Variants in PLA2G7 observed in about 807,000 individuals in gnomAD.
PLA2G7 encodes the protein platelet-activating factor acetylhydrolase.
PLA2G7 carries 63 observed loss-of-function variants against 49.6 expected under a neutral mutation model. The observed-to-expected ratio is 1.27, with a 90% CI of 1.04 to 1.57. The LOEUF (loss-of-function observed/expected upper bound fraction) is 1.57. PLA2G7 is among the 40% of genes most tolerant of loss of function. The probability of loss-of-function intolerance (pLI) is 0.00; values close to 1 mark genes in which losing one functional copy is unlikely to be tolerated. For synonymous variants in PLA2G7, 193 were observed against 169.9 expected, an observed-to-expected ratio of 1.14 and a Z score of -1.06; for missense variants, 596 against 521.2, an observed-to-expected ratio of 1.14 and a Z score of -1.40.
At chr6:46,734,713 C>T (rs1428946945) in intron 1 of PLA2G7, among the ~76,000 whole-genome samples, 1 of 151,878 alleles carries the variant, frequency 6.6e-6, no homozygotes, top group Non-Finnish European at 1.5e-5. Flanking sequence ...GTCCCAGCTA[C>T]TCGGGAAGTT....
At chr6:46,711,650 A>G (rs139347311) in intron 6 of PLA2G7, 31 bp from the exon 7 acceptor site, 3 of 1,611,254 alleles carry the variant, frequency 1.9e-6, no homozygotes, top group South Asian at 2.2e-5. Flanking sequence ...TTATTTATGC[A>G]TGCTCCTTCC....
chr6:46,733,448 G>A (rs1316191242), intron 1 of PLA2G7, among the ~76,000 whole-genome samples: 1 of 106,008 alleles, frequency 9.4e-6, no homozygotes, highest in Non-Finnish European at 1.7e-5. Flanking sequence ...AGTCTTGCTG[G>A]CTGTACAGTA....
At chr6:46,719,048 G>A (rs952682663) in intron 2 of PLA2G7, among the ~76,000 whole-genome samples, 15 of 152,042 alleles carry the variant, frequency 9.9e-5, no homozygotes, top group East Asian at 1.9e-4. Context: ...AGCTTCATCC[G>A]TTCTCCTTTC....
rs1562077587 is a variant in PLA2G7 at position 46,722,829 on chromosome 6, A to G, written c.63T>C (p.Pro21=). ...CAGGATTTATGTATTGCCAGTCAAA[A>G]GGATAAACCACAGCCAGGCAGCCGC... The part of the protein sequence containing the change: ...CLCGCLAVVY[P]FDWQYINPVA... Residue 21 remains proline, a synonymous_variant, in exon 2 of 12, where the codon CCT becomes CCC. Coordinates refer to ENST00000274793, the MANE Select transcript of PLA2G7 (RefSeq NM_005084.4). 1.2e-6 allele frequency: 2 copies of G among 1,613,874 alleles called. No individual in the cohort carries two copies. The highest frequency in any genetic ancestry group is 1.1e-5 in the South Asian group (1 of 91,058).
Position 46,722,798 on chromosome 6 carries a change from G to T in PLA2G7, c.94C>A (p.His32Asn). ...CACCTCTTACCTGATGATTTCATAT[G>T]GGCAACAGGATTTATGTATTGCCAG... ...FDWQYINPVA[H>N]MKSSAWVNKI... is the part of the protein sequence containing the mutation. Residue 32 changes from histidine (H) to asparagine (N), a missense_variant, in exon 2 of 12, where the codon CAT becomes AAT. By Grantham distance (68) the His-to-Asn change is moderately conservative (BLOSUM62 1). Transcript: ENST00000274793. 6.2e-7 allele frequency: 1 copy of T among 1,600,780 alleles called. No individual in the cohort carries two copies. Among genetic ancestry groups the T allele is most frequent in the Non-Finnish European group, 8.6e-7 (1 of 1,167,868 alleles).
In PLA2G7 at chr6:46,724,564, G is replaced by A. The variant is rs45571334; in HGVS notation, c.-34-1639C>T. ...ATGTGCTTCCCTACATTTCTTAGCC[G>A]CCCCTGTGGTTGGGCTGGGCCCATG... On this transcript the variant is annotated intron_variant, in intron 1 of 11. Transcript: ENST00000274793. Among the ~76,000 whole-genome samples, 315 of 152,294 alleles carry A rather than the reference G, an allele frequency of 2.1e-3. 3 individuals carry two copies. Among genetic ancestry groups the A allele is most frequent in the African/African-American group, 7.2e-3 (301 of 41,566 alleles).
intron 1 of PLA2G7, among the ~76,000 whole-genome samples, chr6:46,723,769 C>T (rs1431371597): frequency 1.3e-5 from 2 of 152,128 alleles, no homozygotes; most frequent in African/African-American, 4.8e-5. Context: ...AAATCTATCC[C>T]CAACACAGCA....
At position 46,717,958 on chromosome 6, in the gene PLA2G7, C is replaced by T. The variant is rs376675383; in HGVS notation, c.110-862G>A. ...GTCTTGATCTCCTGACCTCGTGATC[C>T]GCCCACCTCAGCCTCCCAAAGTGCT... On this transcript the variant is annotated intron_variant, in intron 2 of 11. Coordinates refer to ENST00000274793, the MANE Select transcript of PLA2G7 (RefSeq NM_005084.4). 6.0e-4 allele frequency among the ~76,000 whole-genome samples: 92 copies of T among 152,234 alleles called. No homozygotes were observed. The East Asian group carries it at 6.4e-3, about 11-fold the overall frequency.
upstream of PLA2G7, chr6:46,735,493 C>G (rs1382522994): frequency 1.3e-5 from 2 of 152,420 alleles, no homozygotes; most frequent in African/African-American, 2.4e-5. Context: ...AGCGGCGGCT[C>G]CCGACGCTAG....
Position 46,712,286 on chromosome 6 carries a change from A to T in PLA2G7, c.522T>A (p.Val174=). 6.2e-7 allele frequency: 1 copy of T among 1,611,906 alleles called. No homozygotes were observed. The highest frequency in any genetic ancestry group is 1.7e-5 in the Admixed American group (1 of 60,000). The change falls in exon 6 of 12, where the codon GTT becomes GTA. Residue 174 remains valine, a synonymous_variant. Transcript: ENST00000274793. The part of the protein sequence containing the change: ...GIDLASHGFI[V]AAVEHRDRSA... ...TAACATACCTGTGTTCTACAGCAGC[A>T]ACTATAAACCCATGAGATGCCAGGT...
rs1392610977 is a variant in PLA2G7, at chr6:46,732,926, G to GAAATAAAATA, written c.-35+2253_-35+2254insTATTTTATTT. Among the ~76,000 whole-genome samples the GAAATAAAATA allele has an allele frequency of 2.0e-5, 3 of 152,022 alleles. No homozygotes were observed. The East Asian group carries it at 5.8e-4, about 29-fold the overall frequency. On this transcript the variant is annotated intron_variant, in intron 1 of 11. Transcript: ENST00000274793. ...TTCTCTTCAATGCTTTTATTTTATGGAAATTTCTCAACATCTTGAGACGTC... is the reference window on the plus strand; with the variant it reads ...TTCTCTTCAATGCTTTTATTTTATGGAAATAAAATAAAATTTCTCAACATCTTGAGACGTC...
intron 2 of PLA2G7, among the ~76,000 whole-genome samples, chr6:46,717,889 T>G (rs1274287998): frequency 6.6e-6 from 1 of 151,996 alleles, no homozygotes; most frequent in East Asian, 1.9e-4. Context: ...AGCTAATTTT[T>G]GTATTTTTAG....
intron 10 of PLA2G7, among the ~76,000 whole-genome samples, chr6:46,706,615 G>A (rs1292492784): frequency 6.6e-6 from 1 of 152,172 alleles, no homozygotes; most frequent in Non-Finnish European, 1.5e-5. Flanking sequence ...TGCCCGTGGG[G>A]GCCCAGGAAG....
chr6:46,710,699 G>T (rs766356534), intron 7 of PLA2G7, 41 bp from the exon 8 acceptor site: 2 of 1,438,648 alleles, frequency 1.4e-6, no homozygotes, highest in Non-Finnish European at 2.0e-6. Context: ...AAAGTAAAAA[G>T]TTATAACACT....
intron 2 of PLA2G7, among the ~76,000 whole-genome samples, chr6:46,721,422 C>A (rs1424847126): frequency 6.6e-6 from 1 of 151,964 alleles, no homozygotes; most frequent in Non-Finnish European, 1.5e-5. Context: ...AAAGCAACGT[C>A]CCTGTCCTCA....
rs1224151791 is a variant in PLA2G7 at position 46,711,588 on chromosome 6, T to C, written c.571A>G (p.Lys191Glu). The C allele has an allele frequency of 6.2e-7, 1 of 1,613,472 alleles. No individual in the cohort carries two copies. Among genetic ancestry groups the C allele is most frequent in the East Asian group, 2.2e-5 (1 of 44,876 alleles). Residue 191 changes from lysine (K) to glutamate (E), a missense_variant, in exon 7 of 12, where the codon AAG becomes GAG. Coordinates refer to ENST00000274793, the MANE Select transcript of PLA2G7 (RefSeq NM_005084.4). ...CCTATTTCTGCAGCAGATTGGTCCT[T>C]GAAATAGTAAGTTGCAGATGCAGAT... Reference protein sequence around the residue: ...DRSASATYYFKDQSAAEIGDK... With the variant: ...DRSASATYYFEDQSAAEIGDK...
At chr6:46,713,558 C>G (rs1765102738) in intron 5 of PLA2G7, among the ~76,000 whole-genome samples, 1 of 152,188 alleles carries the variant, frequency 6.6e-6, no homozygotes, top group Admixed American at 6.5e-5. Context: ...AAATAGCTAG[C>G]TGAACTACAT....
At chr6:46,720,866 G>A (rs1305828148) in intron 2 of PLA2G7, among the ~76,000 whole-genome samples, 1 of 152,086 alleles carries the variant, frequency 6.6e-6, no homozygotes, top group Non-Finnish European at 1.5e-5. Flanking sequence ...ACTCTTATAT[G>A]GCTTTATGTC....
At position 46,724,078 on chromosome 6, in the gene PLA2G7, C is replaced by T. The variant is rs1765492963; in HGVS notation, c.-34-1153G>A. 1.3e-5 allele frequency among the ~76,000 whole-genome samples: 2 copies of T among 152,174 alleles called. 1 individual carries two copies. The highest frequency in any genetic ancestry group is 4.1e-4 in the South Asian group (2 of 4,826). ...GACACCCAAATGACTGGTCCTCTCA[C>T]CTCCGGGTTTTTGCTCCAGTGATAC... On this transcript the variant is annotated intron_variant, in intron 1 of 11. Coordinates refer to ENST00000274793, the MANE Select transcript of PLA2G7 (RefSeq NM_005084.4).
Sources: gnomAD v4.1 joint callset for allele counts (sites outside exome capture counted in the v4.1 genomes callset) on GRCh38, gnomAD v4.1.1 for gene constraint, MANE v1.5 for transcripts, NCBI Gene and HGNC (gene_info 2026-07-23, HGNC 2026-07-21) for gene names.